WDR49: variants seen among roughly 807,000 people sequenced by gnomAD.
The protein encoded by WDR49 is WD repeat domain 49, also known as cilia- and flagella-associated protein 337.
A neutral mutation model predicts 119.5 loss-of-function variants in WDR49; 107 were observed. That is an observed-to-expected ratio of 0.90 (90% CI 0.77 to 1.05). The LOEUF (loss-of-function observed/expected upper bound fraction) is 1.05. WDR49 is among the 50% of genes least tolerant of loss of function. The pLI, the probability that WDR49 is intolerant of heterozygous loss-of-function variation, is 0.00. For missense variants in WDR49, 1,240 were observed against 1,220.5 expected, an observed-to-expected ratio of 1.02 and a Z score of -0.24; for synonymous variants, 425 against 418.8, an observed-to-expected ratio of 1.01 and a Z score of -0.18.
chr3:167,502,378 G>C (rs565003111), intron 17 of WDR49, among the ~76,000 whole-genome samples: 5 of 152,206 alleles, frequency 3.3e-5, no homozygotes, highest in Non-Finnish European at 5.9e-5. Flanking sequence ...GGTAACAAGA[G>C]TGGGGCATTG....
chr3:167,572,781 G>A (rs963066460), intron 8 of WDR49, among the ~76,000 whole-genome samples: 1 of 152,220 alleles, frequency 6.6e-6, no homozygotes, highest in African/African-American at 2.4e-5. Flanking sequence ...AGAAGTAAGT[G>A]TGGGTTGAGA....
intron 4 of WDR49, among the ~76,000 whole-genome samples, chr3:167,621,167 A>G (rs1167199573): frequency 6.6e-6 from 1 of 152,166 alleles, no homozygotes; most frequent in Non-Finnish European, 1.5e-5. Flanking sequence ...TATTCATATT[A>G]GGATCTAATA....
chr3:167,629,923 G>A (rs1267604967), intron 2 of WDR49, among the ~76,000 whole-genome samples: 1 of 152,120 alleles, frequency 6.6e-6, no homozygotes, highest in Non-Finnish European at 1.5e-5. Context: ...GATGAGCAAA[G>A]AAAGTTGTTT....
At chr3:167,493,045 T>G (rs557723849) in intron 18 of WDR49, among the ~76,000 whole-genome samples, 1 of 152,220 alleles carries the variant, frequency 6.6e-6, no homozygotes, top group South Asian at 2.1e-4. Context: ...CTAGCTGTCA[T>G]GATGTTGAGC....
At chr3:167,601,321 T>C (rs1489348216) in intron 7 of WDR49, among the ~76,000 whole-genome samples, 2 of 152,202 alleles carry the variant, frequency 1.3e-5, no homozygotes, top group Non-Finnish European at 2.9e-5. Flanking sequence ...GAGTTGAAGA[T>C]GAATTTCTAT....
At chr3:167,546,207 G>T (rs192659565) in intron 10 of WDR49, among the ~76,000 whole-genome samples, 179 of 151,966 alleles carry the variant, frequency 1.2e-3, no homozygotes, top group African/African-American at 4.2e-3. Context: ...TATAGTCAGA[G>T]AATTAACACC....
chr3:167,539,937 C>T (rs1711683896), intron 10 of WDR49, among the ~76,000 whole-genome samples: 1 of 152,230 alleles, frequency 6.6e-6, no homozygotes, highest in African/African-American at 2.4e-5. Context: ...AGGCATTTAA[C>T]AAATATTTGC....
chr3:167,636,193 C>T (rs1717610554), intron 2 of WDR49, among the ~76,000 whole-genome samples: 1 of 151,778 alleles, frequency 6.6e-6, no homozygotes, highest in Non-Finnish European at 1.5e-5. Flanking sequence ...TTAGCTTCCA[C>T]TTATGAGTGA....
chr3:167,593,948 C>A (rs1372589499), intron 7 of WDR49, among the ~76,000 whole-genome samples: 1 of 152,108 alleles, frequency 6.6e-6, no homozygotes, highest in East Asian at 1.9e-4. Context: ...CTCCTGCTAC[C>A]ATGTAAGATG....
chr3:167,643,232 C>A (rs939896464), intron 2 of WDR49, among the ~76,000 whole-genome samples: 1 of 151,958 alleles, frequency 6.6e-6, no homozygotes, highest in South Asian at 2.1e-4. Flanking sequence ...AGGGACCCAA[C>A]GTATAGCATC....
chr3:167,549,100 C>G (rs1008413083), intron 10 of WDR49, among the ~76,000 whole-genome samples: 1 of 152,132 alleles, frequency 6.6e-6, no homozygotes, highest in Non-Finnish European at 1.5e-5. Flanking sequence ...CATTGATGGA[C>G]ATTTGGGTTG....
At chr3:167,593,419 C>G (rs1577261780) in intron 7 of WDR49, among the ~76,000 whole-genome samples, 1 of 151,754 alleles carries the variant, frequency 6.6e-6, no homozygotes, top group Non-Finnish European at 1.5e-5. Flanking sequence ...TTTGTCAATT[C>G]CATTTTTCAA....
chr3:167,600,138 C>T (rs1715687562), intron 7 of WDR49, among the ~76,000 whole-genome samples: 1 of 152,002 alleles, frequency 6.6e-6, no homozygotes, highest in South Asian at 2.1e-4. Flanking sequence ...CCTCTTTACT[C>T]ATTACTTTCC....
chr3:167,622,337 G>C (rs979361488), intron 3 of WDR49, among the ~76,000 whole-genome samples: 2 of 151,870 alleles, frequency 1.3e-5, no homozygotes, highest in African/African-American at 4.8e-5. Context: ...AGGAGTTCAA[G>C]AACAGCCTGG....
chr3:167,533,458 C>T (rs1253314718), intron 11 of WDR49, among the ~76,000 whole-genome samples: 4 of 151,968 alleles, frequency 2.6e-5, no homozygotes, highest in Non-Finnish European at 5.9e-5. Context: ...TGTTAATTAC[C>T]ATCCTACTTT....
At chr3:167,503,131 G>C (rs973106685) in intron 17 of WDR49, among the ~76,000 whole-genome samples, 1 of 152,194 alleles carries the variant, frequency 6.6e-6, no homozygotes, top group African/African-American at 2.4e-5. Context: ...TACAACTCAG[G>C]CAGCCACTCC....
At chr3:167,522,246 T>C in intron 16 of WDR49, 69 bp downstream of exon 16, 1 of 1,434,950 alleles carries the variant, frequency 7.0e-7, no homozygotes, top group Non-Finnish European at 9.2e-7. Flanking sequence ...ACAAGGAAAT[T>C]TGGACCAATC....
chr3:167,584,215 A>G (rs1239109616), intron 7 of WDR49, among the ~76,000 whole-genome samples: 1 of 152,166 alleles, frequency 6.6e-6, no homozygotes, highest in Non-Finnish European at 1.5e-5. Flanking sequence ...AAGAAAGTCA[A>G]GAATATGATA....
intron 18 of WDR49, among the ~76,000 whole-genome samples, chr3:167,484,833 A>G (rs998468767): frequency 5.3e-5 from 8 of 152,174 alleles, no homozygotes; most frequent in Admixed American, 1.3e-4. Context: ...TGACTCAGCA[A>G]TCCCATTACT....
Sources: allele counts gnomAD v4.1 joint callset (sites outside exome capture counted in the v4.1 genomes callset), GRCh38; gene constraint gnomAD v4.1.1; transcripts MANE v1.5; gene names NCBI Gene and HGNC (gene_info 2026-07-23, HGNC 2026-07-21).